ZBTB38: variants seen among roughly 807,000 people sequenced by gnomAD.
The protein encoded by ZBTB38 is zinc finger and BTB domain-containing protein 38.
ZBTB38 carries 20 observed loss-of-function variants against 76.8 expected under a neutral mutation model. The ratio of observed to expected loss-of-function variants is 0.26; its 90% confidence interval spans 0.18 to 0.38. ZBTB38 has a LOEUF of 0.38. Ranked by LOEUF, ZBTB38 falls within the 10% of genes least tolerant of loss-of-function variation. ZBTB38 has a pLI of 1.00. For synonymous variants in ZBTB38, 504 were observed against 544.2 expected (o/e 0.93, Z 1.03); for missense variants, 1,082 against 1,482.3 (o/e 0.73, Z 4.43).
At position 141,432,293 on chromosome 3, in the gene ZBTB38, A is replaced by G. The variant is rs540761388; in HGVS notation, c.1-10096A>G. On this transcript the variant is annotated intron_variant, in intron 5 of 5. Transcript: ENST00000321464. ...CTTTTTTTAGTTAGGTTTTATTTCT[A>G]CGTTTCTTTTTATAGAAGACAACTT... 2.3e-5 allele frequency: 23 copies of G among 984,598 alleles called. No homozygotes were observed. In the African/African-American group the frequency reaches 3.5e-4, roughly 15 times the overall value. 61.0% of individuals were successfully genotyped at this position (984,598 alleles called of 1,614,324 possible).
chr3:141,373,815 G>T (rs933480032), intron 2 of ZBTB38, among the ~76,000 whole-genome samples: 1 of 152,304 alleles, frequency 6.6e-6, no homozygotes, highest in East Asian at 1.9e-4. Flanking sequence ...GGGCAACTTA[G>T]AAAAGTGCAT....
upstream of ZBTB38, among the ~76,000 whole-genome samples, chr3:141,365,136 T>G (rs1227679632): frequency 6.6e-6 from 1 of 152,034 alleles, no homozygotes; most frequent in Non-Finnish European, 1.5e-5. Flanking sequence ...TGAAAACAAC[T>G]CAAGTGTTCA....
At chr3:141,380,484 G>A (rs1281799715) in intron 2 of ZBTB38, among the ~76,000 whole-genome samples, 2 of 152,176 alleles carry the variant, frequency 1.3e-5, no homozygotes, top group Non-Finnish European at 1.5e-5. Flanking sequence ...CCTGAAGCAA[G>A]TACTTTAACT....
At chr3:141,383,786 T>C (rs1283608932) in intron 3 of ZBTB38, 4 of 152,212 alleles carry the variant, frequency 2.6e-5, no homozygotes, top group African/African-American at 9.7e-5. Context: ...CCTGCCAGAT[T>C]ATTTCGGGTT....
intron 5 of ZBTB38, among the ~76,000 whole-genome samples, chr3:141,412,407 G>C (rs916443375): frequency 6.6e-6 from 1 of 152,040 alleles, no homozygotes; most frequent in African/African-American, 2.4e-5. Context: ...TGAGGTCTAC[G>C]AGCATTTGTT....
chr3:141,402,710 C>G (rs1031175962), intron 4 of ZBTB38: 1 of 152,032 alleles, frequency 6.6e-6, no homozygotes, highest in African/African-American at 2.4e-5. Context: ...GTGGGTTCGG[C>G]TGGAGAGTGC....
intron 5 of ZBTB38, among the ~76,000 whole-genome samples, chr3:141,420,253 A>G (rs2075061732): frequency 1.3e-5 from 2 of 152,126 alleles, no homozygotes; most frequent in African/African-American, 4.8e-5. Flanking sequence ...GGGAATAGAG[A>G]AGAACAGTTG....
intron 5 of ZBTB38, among the ~76,000 whole-genome samples, chr3:141,412,559 G>C (rs1957034948): frequency 6.6e-6 from 1 of 152,024 alleles, no homozygotes; most frequent in Non-Finnish European, 1.5e-5. Flanking sequence ...CAGTGGTTTG[G>C]AGTTTGTTTG....
chr3:141,440,664 GTTTGTTTT>G (rs996234946), intron 5 of ZBTB38, among the ~76,000 whole-genome samples: 1 of 152,150 alleles, frequency 6.6e-6, no homozygotes, highest in Non-Finnish European at 1.5e-5. Context: ...TGTTTTGTTT[GTTTGTTTT>G]GCTTTACTTT....
At chr3:141,364,549 T>C (rs1441330368), upstream of ZBTB38, among the ~76,000 whole-genome samples, 2 of 151,100 alleles carry the variant, frequency 1.3e-5, no homozygotes, top group African/African-American at 4.9e-5. Context: ...TGGTGGCACA[T>C]GCCTGTAATC....
At chr3:141,371,071 T>TTTTTTTG (rs869104925) in intron 2 of ZBTB38, among the ~76,000 whole-genome samples, 1 of 134,474 alleles carries the variant, frequency 7.4e-6, no homozygotes, top group African/African-American at 3.1e-5. Context: ...TTTTTTTTTT[T>TTTTTTTG]GAGGCAGAGT....
intron 1 of ZBTB38, among the ~76,000 whole-genome samples, chr3:141,340,958 G>GA (rs759769152): frequency 0.012 from 740 of 62,326 alleles, 11 homozygotes; most frequent in African/African-American, 0.072. Context: ...AGGAAAGAAA[G>GA]AAAGAAAGAA....
chr3:141,390,551 T>C (rs1293798916), intron 4 of ZBTB38, among the ~76,000 whole-genome samples: 1 of 152,248 alleles, frequency 6.6e-6, no homozygotes, highest in Non-Finnish European at 1.5e-5. Flanking sequence ...GGAATCAGAC[T>C]ATGACTTAGA....
intron 1 of ZBTB38, among the ~76,000 whole-genome samples, chr3:141,351,707 AAG>A (rs778835239): frequency 2.8e-5 from 4 of 141,504 alleles, no homozygotes; most frequent in Non-Finnish European, 6.2e-5. Context: ...GTAACAGAGC[AAG>A]ACTCTGTCTC....
In ZBTB38 at chr3:141,445,498, C is replaced by T; in HGVS notation, c.3110C>T (p.Pro1037Leu). The T allele has an allele frequency of 6.2e-7, 1 of 1,614,180 alleles. No homozygotes were observed. The highest frequency in any genetic ancestry group is 8.5e-7 in the Non-Finnish European group (1 of 1,180,038). Reference sequence around the variant, plus strand: ...ATGAGATGTCACACCGGGGAGAAGCCATACCAGTGCAAGACCTGCGGACGG... The same window carrying T: ...ATGAGATGTCACACCGGGGAGAAGCTATACCAGTGCAAGACCTGCGGACGG... ...MHMRCHTGEK[P>L]YQCKTCGRCF... is the part of the protein sequence containing the mutation. Residue 1037 changes from proline to leucine, a missense_variant, in exon 6 of 6, where the codon CCA becomes CTA. Transcript: ENST00000321464. This position sits in a 1 kb window ranked among gnomAD's most constrained non-coding sequence, Gnocchi z 6.5.
At chr3:141,367,747 G>A (rs1192528165), upstream of ZBTB38, 1 of 152,172 alleles carries the variant, frequency 6.6e-6, no homozygotes, top group Non-Finnish European at 1.5e-5. Flanking sequence ...CTTTTTTGTT[G>A]TGATAATACC....
intron 5 of ZBTB38, among the ~76,000 whole-genome samples, chr3:141,424,731 A>G (rs1269677550): frequency 6.6e-6 from 1 of 152,052 alleles, no homozygotes; most frequent in African/African-American, 2.4e-5. Context: ...ATGAGCCCCT[A>G]TGGGGTATCA....
chr3:141,438,849 C>A (rs926759038), intron 5 of ZBTB38, among the ~76,000 whole-genome samples: 3 of 152,132 alleles, frequency 2.0e-5, no homozygotes, highest in African/African-American at 7.2e-5. Context: ...CATGCTGAGG[C>A]CTGCCATGTG....
chr3:141,338,645 C>G (rs563270229), intron 1 of ZBTB38, among the ~76,000 whole-genome samples: 3 of 152,208 alleles, frequency 2.0e-5, no homozygotes, highest in African/African-American at 7.2e-5. Flanking sequence ...GTCTACTTGA[C>G]AGTGGAGGGT....
Sources: allele counts gnomAD v4.1 joint callset (sites outside exome capture counted in the v4.1 genomes callset), GRCh38; gene constraint gnomAD v4.1.1; non-coding constraint Gnocchi (gnomAD v3.1); transcripts MANE v1.5; gene names NCBI Gene and HGNC (gene_info 2026-07-23, HGNC 2026-07-21).